CBLB: variants seen among roughly 807,000 people sequenced by gnomAD.
CBLB encodes the protein Cbl proto-oncogene B.
CBLB carries 31 observed loss-of-function variants against 104.9 expected under a neutral mutation model. The ratio of observed to expected loss-of-function variants is 0.30; its 90% CI spans 0.22 to 0.40. The LOEUF is 0.40. CBLB is among the 10% of genes least tolerant of loss of function. The probability of loss-of-function intolerance (pLI) is 1.00; values close to 1 mark genes in which losing one functional copy is unlikely to be tolerated. For missense variants in CBLB, 1,062 were observed against 1,214.6 expected (o/e 0.87, Z 1.87); for synonymous variants, 440 against 422.6 (o/e 1.04, Z -0.51).
At chr3:105,682,885 GAAGAT>G (rs775675902) in intron 14 of CBLB, among the ~76,000 whole-genome samples, 9 of 152,298 alleles carry the variant, frequency 5.9e-5, no homozygotes, top group Middle Eastern at 3.4e-3. Context: ...AGCAGGAAGA[GAAGAT>G]AAGGAGCATA....
At chr3:105,788,269 T>C (rs181976165) in intron 3 of CBLB, among the ~76,000 whole-genome samples, 7 of 152,212 alleles carry the variant, frequency 4.6e-5, no homozygotes, top group East Asian at 1.9e-4. Flanking sequence ...TCCTCAGATA[T>C]TGGCTTTGGA....
chr3:105,693,601 C>G lies in CBLB; in HGVS notation c.1960-13G>C, dbSNP rs750753703. On this transcript the variant is annotated splice_polypyrimidine_tract_variant and intron_variant, in intron 12 of 18. Coordinates refer to ENST00000394030, the MANE Select transcript of CBLB (RefSeq NM_170662.5). ...CATTGGAAAAGACCTGAAAGTAAAT[C>G]AAATTGTTAGTTTCCAAGAATTTAA... The G allele has an allele frequency of 6.3e-7, 1 of 1,576,576 alleles. No individual in the cohort carries two copies. Among genetic ancestry groups the G allele is most frequent in the African/African-American group, 1.3e-5 (1 of 74,136 alleles).
intron 18 of CBLB, among the ~76,000 whole-genome samples, chr3:105,663,090 G>GCCGTTACTACTTGAGACCTTCACTATC (rs1491206280): frequency 1.4e-5 from 1 of 72,240 alleles, no homozygotes; most frequent in African/African-American, 5.4e-5. Flanking sequence ...CCTTCACCAT[G>GCCGTTACTACTTGAGACCTTCACTATC]ACAGTTACTG....
chr3:105,718,033 T>C (rs1230994940), intron 10 of CBLB, among the ~76,000 whole-genome samples: 1 of 152,178 alleles, frequency 6.6e-6, no homozygotes, highest in African/African-American at 2.4e-5. Flanking sequence ...ATGCCATTAC[T>C]ACTCTGTAGC....
At chr3:105,770,739 T>C (rs965262791) in intron 4 of CBLB, among the ~76,000 whole-genome samples, 2 of 152,174 alleles carry the variant, frequency 1.3e-5, no homozygotes, top group Admixed American at 1.3e-4. Flanking sequence ...GAGAAGCTTA[T>C]GACCTGGGGC....
At chr3:105,817,304 A>T (rs1468437865) in intron 3 of CBLB, among the ~76,000 whole-genome samples, 1 of 152,172 alleles carries the variant, frequency 6.6e-6, no homozygotes, top group East Asian at 1.9e-4. Context: ...ATGAAATAAC[A>T]CAGTTGCAAG....
At chr3:105,815,961 C>T (rs1256767838) in intron 3 of CBLB, among the ~76,000 whole-genome samples, 1 of 152,060 alleles carries the variant, frequency 6.6e-6, no homozygotes, top group Non-Finnish European at 1.5e-5. Context: ...AAGCAAAAAA[C>T]CAAATACCGC....
chr3:105,841,651 C>T (rs1357435588), intron 3 of CBLB, among the ~76,000 whole-genome samples: 1 of 151,732 alleles, frequency 6.6e-6, no homozygotes, highest in East Asian at 2.0e-4. Context: ...GACAGGGTTT[C>T]ACCATGTTAG....
chr3:105,856,205 C>T (rs188033348), intron 2 of CBLB, among the ~76,000 whole-genome samples: 1 of 152,024 alleles, frequency 6.6e-6, no homozygotes, highest in East Asian at 1.9e-4. Context: ...CAAAAAGTAG[C>T]TGGGTGTGGT....
chr3:105,795,334 CATA>C (rs1281288102), intron 3 of CBLB, among the ~76,000 whole-genome samples: 1 of 152,194 alleles, frequency 6.6e-6, no homozygotes, highest in Non-Finnish European at 1.5e-5. Context: ...ATCTCACCAT[CATA>C]ATGTTGATCG....
At chr3:105,799,421 G>A (rs2082595875) in intron 3 of CBLB, among the ~76,000 whole-genome samples, 1 of 152,058 alleles carries the variant, frequency 6.6e-6, no homozygotes, top group South Asian at 2.1e-4. Flanking sequence ...TTGTTAAATA[G>A]ATGAGGCAAC....
intron 3 of CBLB, among the ~76,000 whole-genome samples, chr3:105,805,302 A>G (rs1392245374): frequency 7.2e-6 from 1 of 138,612 alleles, no homozygotes; most frequent in South Asian, 2.3e-4. Context: ...ATGGCCCCCA[A>G]TTTTTTTTTT....
At chr3:105,826,131 TC>T (rs2086548811) in intron 3 of CBLB, among the ~76,000 whole-genome samples, 1 of 87,746 alleles carries the variant, frequency 1.1e-5, no homozygotes, top group South Asian at 3.8e-4. Flanking sequence ...ATCCAGCATG[TC>T]CCCAATTTTG....
At chr3:105,701,067 G>A (rs1051985973) in intron 12 of CBLB, among the ~76,000 whole-genome samples, 2 of 152,180 alleles carry the variant, frequency 1.3e-5, no homozygotes, top group African/African-American at 2.4e-5. Context: ...TCTAATCTCA[G>A]AGTCAAAAGC....
intron 3 of CBLB, among the ~76,000 whole-genome samples, chr3:105,787,852 T>C (rs2081201006): frequency 6.6e-6 from 1 of 152,156 alleles, no homozygotes; most frequent in Admixed American, 6.6e-5. Context: ...ACTCCATGAA[T>C]AACATGGCCC....
chr3:105,739,980 G>A (rs558782749), intron 7 of CBLB, among the ~76,000 whole-genome samples: 3 of 152,298 alleles, frequency 2.0e-5, no homozygotes, highest in African/African-American at 7.2e-5. Flanking sequence ...GCGCACGCCT[G>A]TAGTCCCAGC....
chr3:105,817,373 T>C (rs2153050167), intron 3 of CBLB, among the ~76,000 whole-genome samples: 1 of 152,150 alleles, frequency 6.6e-6, no homozygotes, highest in African/African-American at 2.4e-5. Context: ...ATTCTAGGAC[T>C]TGGGACTAAC....
intron 3 of CBLB, among the ~76,000 whole-genome samples, chr3:105,780,176 A>C (rs531084096): frequency 3.2e-4 from 49 of 152,220 alleles, no homozygotes; most frequent in African/African-American, 1.2e-3. Flanking sequence ...AAAAAAAAAA[A>C]ACTTTCAATT....
chr3:105,713,390 T>G (rs1383928162), intron 10 of CBLB, among the ~76,000 whole-genome samples: 2 of 88,420 alleles, frequency 2.3e-5, no homozygotes, highest in Non-Finnish European at 5.4e-5. Context: ...CCACTGATCA[T>G]TAAAAAAAAA....
Sources: gnomAD v4.1 joint callset for allele counts (sites outside exome capture counted in the v4.1 genomes callset) on GRCh38, gnomAD v4.1.1 for gene constraint, MANE v1.5 for transcripts, NCBI Gene and HGNC (gene_info 2026-07-23, HGNC 2026-07-21) for gene names.